ROPN1B: variants seen among roughly 807,000 people sequenced by gnomAD.
ROPN1B encodes the protein rhophilin associated tail protein 1B.
Under a neutral mutation model 23.7 loss-of-function variants are expected in ROPN1B, and 13 were observed. That is an observed-to-expected ratio of 0.55 (90% confidence interval 0.36 to 0.87). The LOEUF is 0.87. ROPN1B is among the 40% of genes least tolerant of loss of function. The probability of loss-of-function intolerance (pLI) is 0.01; values close to 1 mark genes in which losing one functional copy is unlikely to be tolerated. For synonymous variants in ROPN1B, 67 were observed against 100.4 expected (o/e 0.67, Z 1.99); for missense variants, 183 against 249.2 (o/e 0.73, Z 1.79).
intron 5 of ROPN1B, among the ~76,000 whole-genome samples, chr3:125,979,432 G>A (rs1357028806): frequency 6.6e-6 from 1 of 152,062 alleles, no homozygotes; most frequent in Non-Finnish European, 1.5e-5. Flanking sequence ...TAGGTCATGA[G>A]GGTGGAGCCC....
intron 3 of ROPN1B, chr3:125,972,410 T>C (rs1240673713): frequency 1.8e-6 from 1 of 567,616 alleles, no homozygotes; most frequent in African/African-American, 1.9e-5. Flanking sequence ...GCCAGGTCAA[T>C]AGGCCGTGTC....
chr3:125,983,383 C>A lies in ROPN1B; in HGVS notation c.*63C>A. On this transcript the variant is annotated 3_prime_UTR_variant, in exon 7 of 7. Transcript: ENST00000514116. Reference sequence around the variant, plus strand: ...GTGATTGTACTTCAGAATGATAAACCCATATACCACCTAAAATCAATTTTC... The same window carrying A: ...GTGATTGTACTTCAGAATGATAAACACATATACCACCTAAAATCAATTTTC... The A allele has an allele frequency of 9.4e-7, 1 of 1,066,278 alleles. No homozygotes were observed. Among genetic ancestry groups the A allele is most frequent in the South Asian group, 1.3e-5 (1 of 78,022 alleles). The allele number at this position is 1,066,278 out of a possible 1,614,324, so 66.1% of individuals were successfully genotyped here.
intron 1 of ROPN1B, chr3:125,969,627 C>T (rs1290584424): frequency 7.6e-6 from 1 of 132,128 alleles, no homozygotes. Context: ...ACCCAGAATA[C>T]TATTATACGG....
At chr3:125,971,318 G>A (rs559991455) in intron 2 of ROPN1B, among the ~76,000 whole-genome samples, 156 bp downstream of exon 2, 95 of 152,198 alleles carry the variant, frequency 6.2e-4, no homozygotes, top group Middle Eastern at 3.4e-3. Context: ...TTTTGAAGAG[G>A]GACAGCTTTT....
rs1030752255 is a variant in ROPN1B, at chr3:125,977,347, T to C, written c.396+182T>C. On this transcript the variant is annotated intron_variant, in intron 5 of 6. Transcript: ENST00000514116. ...GTGCTCGTCAGGCAGTGGCAGGGGT[T>C]GGGAGGAGGAGAGAGGGAAACACTG... 4.9e-6 allele frequency: 3 copies of C among 614,948 alleles called. No individual in the cohort carries two copies. The African/African-American group carries it at 5.7e-5, about 12-fold the overall frequency. The allele number at this position is 614,948 out of a possible 1,614,324, so 38.1% of individuals were successfully genotyped here. A position where few individuals can be genotyped will look rare whatever the true frequency, so the allele number is the denominator to read the frequency against.
At chr3:125,975,810 G>A (rs182629129) in intron 4 of ROPN1B, 130 bp downstream of exon 4, 26 of 732,384 alleles carry the variant, frequency 3.6e-5, no homozygotes, top group South Asian at 2.3e-4. Flanking sequence ...ACACTAAACC[G>A]TGGACTGAAA....
chr3:125,983,391 C>T lies in ROPN1B; in HGVS notation c.*71C>T. On this transcript the variant is annotated 3_prime_UTR_variant, in exon 7 of 7. Transcript: ENST00000514116. ...ACTTCAGAATGATAAACCCATATAC[C>T]ACCTAAAATCAATTTTCTTGTACAA... The T allele has an allele frequency of 2.0e-6, 2 of 1,002,128 alleles. No homozygotes were observed. Among genetic ancestry groups the T allele is most frequent in the Non-Finnish European group, 3.2e-6 (2 of 628,944 alleles). 62.1% of individuals were successfully genotyped at this position (1,002,128 alleles called of 1,614,324 possible).
chr3:125,972,826 G>T lies in ROPN1B; in HGVS notation c.116+656G>T, dbSNP rs147208268. 4.0e-3 allele frequency: 1,614 copies of T among 399,688 alleles called. 24 individuals carry two copies. The highest frequency in any genetic ancestry group is 0.031 in the African/African-American group (1,483 of 48,296). The allele number at this position is 399,688 out of a possible 1,614,324, so 24.8% of individuals were successfully genotyped here. A position where few individuals can be genotyped will look rare whatever the true frequency, so the allele number is the denominator to read the frequency against. ...CTGCATTCTGGGGAAAGGCCAGGCA[G>T]AGTGATGGGGTCCTCAGGCATGGCT... On this transcript the variant is annotated intron_variant, in intron 3 of 6. Transcript: ENST00000514116.
intron 5 of ROPN1B, chr3:125,977,785 A>G (rs1938477039): frequency 6.5e-6 from 1 of 154,994 alleles, no homozygotes; most frequent in African/African-American, 2.4e-5. Context: ...ATGTATAGAT[A>G]TTTAAAGCTT....
intron 4 of ROPN1B, chr3:125,976,780 G>C: frequency 1.4e-6 from 1 of 738,546 alleles, no homozygotes; most frequent in East Asian, 2.7e-5. Flanking sequence ...GCATAATTCT[G>C]ACACCTAAAG....
chr3:125,983,017 G>C (rs1044731937), intron 6 of ROPN1B, among the ~76,000 whole-genome samples: 1 of 152,064 alleles, frequency 6.6e-6, no homozygotes, highest in African/African-American at 2.4e-5. Flanking sequence ...GGTGGTGTGT[G>C]TCTGTATCAG....
Position 125,982,291 on chromosome 3 carries a change from A to G in ROPN1B, c.418A>G (p.Ile140Val). The change falls in exon 6 of 7, where the codon ATA (isoleucine) becomes GTA (valine). Residue 140 changes from isoleucine (I) to valine (V), a missense_variant. By Grantham distance (29) the Ile-to-Val change is conservative. Around this residue, in one of 3 missense-constraint regions of ROPN1B, gnomAD observed 80 missense variants for 98.0 expected, o/e 0.82. Coordinates refer to ENST00000514116, the MANE Select transcript of ROPN1B (RefSeq NM_001308313.2). ...LGVTITKTLKIVCEVLSCDHN... is the reference protein window; with the variant it reads ...LGVTITKTLKVVCEVLSCDHN... ...ATAGACTATTACCAAAACTCTCAAG[A>G]TAGTGTGTGAGGTCTTATCATGTGA... 1 of 1,609,630 alleles carries G rather than the reference A, an allele frequency of 6.2e-7. No homozygotes were observed. The highest frequency in any genetic ancestry group is 8.5e-7 in the Non-Finnish European group (1 of 1,178,544).
intron 3 of ROPN1B, 32 bp downstream of exon 3, chr3:125,972,202 G>A (rs1938238059): frequency 1.2e-6 from 2 of 1,609,000 alleles, no homozygotes; most frequent in South Asian, 1.1e-5. Context: ...TCATCTCTTG[G>A]AGGACGGGCG....
rs60516581 is a variant in ROPN1B at position 125,983,270 on chromosome 3, T to G, written c.589T>G (p.Leu197Val). ...IEQEVIGPDG[L>V]ITVNDFTQNP... The stretch of plus-strand genomic sequence containing the variant: ...TCCAAACAGAATTGGTCCTGATGGT[T>G]TAATCACGGTGAATGACTTTACCCA... Residue 197 changes from leucine (L) to valine (V), a missense_variant, in exon 7 of 7, where the codon TTA (leucine) becomes GTA (valine). Around this residue, in one of 3 missense-constraint regions of ROPN1B, gnomAD observed 80 missense variants for 98.0 expected, o/e 0.82. Coordinates refer to ENST00000514116, the MANE Select transcript of ROPN1B (RefSeq NM_001308313.2). 1.8e-3 allele frequency: 2,898 copies of G among 1,613,506 alleles called. 53 individuals are homozygous for G. The East Asian group carries it at 0.05, about 28-fold the overall frequency.
At chr3:125,978,633 G>A (rs988371405) in intron 5 of ROPN1B, among the ~76,000 whole-genome samples, 1 of 152,182 alleles carries the variant, frequency 6.6e-6, no homozygotes, top group Admixed American at 6.5e-5. Context: ...CTATCTGTCT[G>A]GTCGCTAGCT....
chr3:125,978,543 T>C (rs1262380102), intron 5 of ROPN1B, among the ~76,000 whole-genome samples: 1 of 152,238 alleles, frequency 6.6e-6, no homozygotes, highest in Non-Finnish European at 1.5e-5. Flanking sequence ...CAGTTGAATG[T>C]AGATGGAAAG....
intron 3 of ROPN1B, 55 bp downstream of exon 3, chr3:125,972,225 CCT>C (rs1288523646): frequency 1.3e-6 from 2 of 1,572,316 alleles, no homozygotes; most frequent in African/African-American, 1.3e-5. Flanking sequence ...GAGAGAGGGT[CCT>C]GTAAAACCGC....
At chr3:125,971,336 T>A (rs1016262222) in intron 2 of ROPN1B, among the ~76,000 whole-genome samples, 174 bp downstream of exon 2, 5 of 152,198 alleles carry the variant, frequency 3.3e-5, no homozygotes, top group Non-Finnish European at 4.4e-5. Flanking sequence ...TTTTAGCATA[T>A]CTAGTCTGTC....
chr3:125,981,842 C>T (rs1236730051), intron 5 of ROPN1B, among the ~76,000 whole-genome samples: 2 of 152,158 alleles, frequency 1.3e-5, no homozygotes, highest in East Asian at 3.9e-4. Flanking sequence ...CCTTCTCTTA[C>T]CTTCTTCTCC....
Sources: allele counts gnomAD v4.1 joint callset (sites outside exome capture counted in the v4.1 genomes callset), GRCh38; gene constraint gnomAD v4.1.1; regional missense constraint gnomAD v4.1.1; transcripts MANE v1.5; gene names NCBI Gene and HGNC (gene_info 2026-07-23, HGNC 2026-07-21).